The following DTHD1 variants were observed in gnomAD, a reference collection of about 807,000 sequenced individuals.
DTHD1 encodes the protein death domain containing 1.
A neutral mutation model predicts 74.8 loss-of-function variants in DTHD1; 59 were observed. The ratio of observed to expected loss-of-function variants is 0.79; its 90% CI spans 0.64 to 0.98. The LOEUF is 0.98. DTHD1 is among the 50% of genes least tolerant of loss of function. The pLI, the probability that DTHD1 is intolerant of heterozygous loss-of-function variation, is 0.00. For synonymous variants in DTHD1, 365 were observed against 371.1 expected (o/e 0.98, Z 0.19); for missense variants, 1,051 against 1,065.4 (o/e 0.99, Z 0.19).
intron 8 of DTHD1, among the ~76,000 whole-genome samples, chr4:36,338,205 T>G (rs6824241): frequency 0.45 from 68,281 of 151,928 alleles, 15,681 homozygotes; most frequent in African/African-American, 0.51. Flanking sequence ...AAGAATGTGA[T>G]ATAATCAGAA....
chr4:36,298,128 T>G (rs142554771), intron 5 of DTHD1, among the ~76,000 whole-genome samples: 1 of 152,166 alleles, frequency 6.6e-6, no homozygotes, highest in African/African-American at 2.4e-5. Context: ...GCCCATTCTA[T>G]AAGTTCCAGT....
chr4:36,306,744 A>G (rs115459005), intron 6 of DTHD1, among the ~76,000 whole-genome samples: 2,064 of 152,334 alleles, frequency 0.014, 20 homozygotes, highest in Non-Finnish European at 0.021. Context: ...CATGTTTTCT[A>G]GACAGCCCAT....
At chr4:36,302,523 A>G (rs1304570910) in intron 5 of DTHD1, among the ~76,000 whole-genome samples, 1 of 152,256 alleles carries the variant, frequency 6.6e-6, no homozygotes, top group African/African-American at 2.4e-5. Context: ...AGAGTTTGTC[A>G]TAAAATATGT....
intron 7 of DTHD1, among the ~76,000 whole-genome samples, chr4:36,309,253 T>C (rs1255209272): frequency 1.3e-5 from 2 of 152,084 alleles, no homozygotes; most frequent in Non-Finnish European, 1.5e-5. Context: ...CTGGCCAACA[T>C]AGTGAAACCT....
chr4:36,284,484 G>A lies in DTHD1; in HGVS notation c.780G>A (p.Glu260=). 1.3e-6 allele frequency: 2 copies of A among 1,537,040 alleles called. No homozygotes were observed. The highest frequency in any genetic ancestry group is 1.7e-6 in the Non-Finnish European group (2 of 1,146,810). Residue 260 remains glutamate, a synonymous_variant, in exon 2 of 10, where the codon GAG becomes GAA. Coordinates refer to ENST00000639862, the MANE Select transcript of DTHD1 (RefSeq NM_001170700.3). The stretch of plus-strand genomic sequence containing the variant: ...AGACTTCAGAAAGCCCAAGAGAAGA[G>A]ATGACCACATCCTCAATAATATGTG... ...IQETSESPRE[E]MTTSSIICDI...
rs892703892 is a variant in DTHD1 at position 36,341,584 on chromosome 4, C to T, written c.2399-1918C>T. Among the ~76,000 whole-genome samples the T allele has an allele frequency of 1.4e-4, 22 of 152,128 alleles. 1 individual carries two copies. The highest frequency in any genetic ancestry group is 2.8e-4 in the Non-Finnish European group (19 of 67,990). On this transcript the variant is annotated intron_variant, in intron 9 of 9. Transcript: ENST00000639862. Reference sequence around the variant, plus strand: ...AAAATATTTTTAATGGATTTTCAAGCGACTAAGGACTCAAATGGTATAAAA... The same window carrying T: ...AAAATATTTTTAATGGATTTTCAAGTGACTAAGGACTCAAATGGTATAAAA...
Position 36,289,907 on chromosome 4 carries a change from TCTA to T in DTHD1, c.888-465_888-463del. ...ATATATAATCATCATCATCATTTGATCTAGTGTGTTTAGACAATTCTAATACTT... is the reference window on the plus strand; with the variant it reads ...ATATATAATCATCATCATCATTTGATGTGTGTTTAGACAATTCTAATACTT... On this transcript the variant is annotated intron_variant, in intron 2 of 9. Coordinates refer to ENST00000639862, the MANE Select transcript of DTHD1 (RefSeq NM_001170700.3). Among the ~76,000 whole-genome samples the T allele has an allele frequency of 1.3e-5, 2 of 152,180 alleles. 1 individual carries two copies. The highest frequency in any genetic ancestry group is 6.8e-3 in the Middle Eastern group (2 of 294).
chr4:36,318,614 T>TTTC (rs1038008190), intron 8 of DTHD1, among the ~76,000 whole-genome samples: 1 of 136,184 alleles, frequency 7.3e-6, no homozygotes, highest in Non-Finnish European at 1.6e-5. Flanking sequence ...TTTCTTTTCT[T>TTTC]TTTTTTTTTT....
At position 36,316,102 on chromosome 4, in the gene DTHD1, A is replaced by C. The variant is rs1412611203; in HGVS notation, c.2096-140A>C. 4 of 727,832 alleles carry C rather than the reference A, an allele frequency of 5.5e-6. No individual in the cohort carries two copies. The Admixed American group carries it at 1.3e-4, about 24-fold the overall frequency. 45.1% of individuals were successfully genotyped at this position (727,832 alleles called of 1,614,324 possible). A position where few individuals can be genotyped will look rare whatever the true frequency, so the allele number is the denominator to read the frequency against. ...AGGTGCCTGCCACCACGCCCGGTTA[A>C]TTTTTTGTATTTTTAGTAGAGACGG... On this transcript the variant is annotated intron_variant, in intron 7 of 9. Transcript: ENST00000639862.
intron 5 of DTHD1, among the ~76,000 whole-genome samples, chr4:36,297,521 T>G (rs943396238): frequency 1.3e-5 from 2 of 152,130 alleles, no homozygotes; most frequent in Admixed American, 1.3e-4. Context: ...CCGAAGCAAT[T>G]AATTTTTTTT....
chr4:36,333,427 T>C (rs1758811417), intron 8 of DTHD1: 1 of 152,194 alleles, frequency 6.6e-6, no homozygotes, highest in African/African-American at 2.4e-5. Context: ...AATATTACTT[T>C]AATGTCATGT....
In DTHD1 at chr4:36,284,283, CAA is replaced by C. The variant is rs765138934; in HGVS notation, c.580_581del (p.Asn194TyrfsTer16). The C allele has an allele frequency of 9.8e-6, 15 of 1,537,064 alleles. No individual in the cohort carries two copies. The highest frequency in any genetic ancestry group is 3.3e-4 in the Middle Eastern group (2 of 5,988). On this transcript the variant is annotated frameshift_variant, in exon 2 of 10. Coordinates refer to ENST00000639862, the MANE Select transcript of DTHD1 (RefSeq NM_001170700.3). LOFTEE classifies it high-confidence loss of function. ...MSSALVEKEN[N>X]TSLNGRVLGQ... ...GTTCAGCATTAGTGGAAAAAGAAAA[CAA>C]TACATCACTGAATGGACGTGTACTG...
chr4:36,324,754 C>T (rs1000489920), intron 8 of DTHD1, among the ~76,000 whole-genome samples: 3 of 151,988 alleles, frequency 2.0e-5, no homozygotes, highest in African/African-American at 7.3e-5. Flanking sequence ...AGTTATAAAA[C>T]AAAGCAAGAG....
chr4:36,339,904 A>G (rs187240580), intron 9 of DTHD1, among the ~76,000 whole-genome samples: 1 of 152,366 alleles, frequency 6.6e-6, no homozygotes. Context: ...GGATAAATAA[A>G]CGGTGTTTAA....
chr4:36,338,333 T>G (rs1392900339), intron 8 of DTHD1, among the ~76,000 whole-genome samples: 1 of 152,216 alleles, frequency 6.6e-6, no homozygotes, highest in African/African-American at 2.4e-5. Context: ...GTGGATATTC[T>G]ACAGTTTGTT....
intron 8 of DTHD1, chr4:36,333,855 C>T (rs1021543886): frequency 6.6e-6 from 1 of 152,128 alleles, no homozygotes; most frequent in African/African-American, 2.4e-5. Context: ...AGAGTAAAGC[C>T]CATGAAACTG....
At chr4:36,319,416 A>G (rs1398016479) in intron 8 of DTHD1, among the ~76,000 whole-genome samples, 1 of 152,246 alleles carries the variant, frequency 6.6e-6, no homozygotes, top group Non-Finnish European at 1.5e-5. Context: ...CTCTTAACTG[A>G]CAGGCTAAGG....
Position 36,316,591 on chromosome 4 carries a change from G to C in DTHD1, c.2340+105G>C, listed in dbSNP as rs146032616. On this transcript the variant is annotated intron_variant, in intron 8 of 9. Transcript: ENST00000639862. ...GAGACACATACAGTTAAAAGAAAAGGTAAGAATAGAGGTAATAAAGAAGGA... is the reference window on the plus strand; with the variant it reads ...GAGACACATACAGTTAAAAGAAAAGCTAAGAATAGAGGTAATAAAGAAGGA... 1.8e-3 allele frequency: 2,172 copies of C among 1,187,356 alleles called. 63 individuals carry two copies. The Admixed American group carries it at 0.049, about 27-fold the overall frequency. The allele number at this position is 1,187,356 out of a possible 1,614,324, so 73.6% of individuals were successfully genotyped here.
Position 36,295,039 on chromosome 4 carries a change from G to T in DTHD1, c.1643G>T (p.Arg548Leu). ...INRITPSYFN[R>L]TKIASIRKPR... ...AGGATTACACCTTCGTATTTCAACC[G>T]GTGAGTAAGTTTCTAATATTGTAAA... Residue 548 changes from arginine (R) to leucine (L), a missense_variant and splice_region_variant, in exon 5 of 10, where the codon CGG (arginine) becomes CTG (leucine). Coordinates refer to ENST00000639862, the MANE Select transcript of DTHD1 (RefSeq NM_001170700.3). The T allele has an allele frequency of 6.6e-7, 1 of 1,525,730 alleles. No homozygotes were observed. The highest frequency in any genetic ancestry group is 1.2e-5 in the South Asian group (1 of 81,176). 94.5% of individuals were successfully genotyped at this position (1,525,730 alleles called of 1,614,324 possible).
Sources: gnomAD v4.1 joint callset for allele counts (sites outside exome capture counted in the v4.1 genomes callset) on GRCh38, gnomAD v4.1.1 for gene constraint, MANE v1.5 for transcripts, NCBI Gene and HGNC (gene_info 2026-07-23, HGNC 2026-07-21) for gene names.